Variants in POLR3B observed in about 807,000 individuals in gnomAD.
POLR3B encodes the protein DNA-directed RNA polymerase III subunit RPC2.
POLR3B carries 96 observed loss-of-function variants against 147.4 expected under a neutral mutation model. The observed-to-expected ratio is 0.65, with a 90% CI of 0.55 to 0.77. POLR3B has a LOEUF of 0.77. Among genes scored for constraint, POLR3B ranks in the 30% least tolerant of loss-of-function variants. POLR3B has a pLI of 0.00. For missense variants in POLR3B, 1,036 were observed against 1,413.5 expected (o/e 0.73, Z 4.28); for synonymous variants, 461 against 485.9 (o/e 0.95, Z 0.67).
In POLR3B at chr12:106,369,275, A is replaced by T. The variant is rs1319955334; in HGVS notation, c.228A>T (p.Lys76Asn). ...CATACCGCACTAATTTGCTTTTCAG[A>T]TATCTTAATATCTATGTTGGGCTTC... ...TSDADPMWYL[K>N]YLNIYVGLPD... The change falls in exon 5 of 28, where the codon AAA becomes AAT. Residue 76 changes from lysine to asparagine, a missense_variant and splice_region_variant. By Grantham distance (94) the Lys-to-Asn change is moderately conservative. Coordinates refer to ENST00000228347, the MANE Select transcript of POLR3B (RefSeq NM_018082.6). 1.2e-5 allele frequency: 19 copies of T among 1,561,662 alleles called. No homozygotes were observed. Among genetic ancestry groups the T allele is most frequent in the Non-Finnish European group, 1.7e-5 (19 of 1,132,224 alleles).
chr12:106,403,264 C>T (rs2136928609), intron 10 of POLR3B, among the ~76,000 whole-genome samples: 1 of 151,544 alleles, frequency 6.6e-6, no homozygotes, highest in Admixed American at 6.6e-5. Flanking sequence ...AATGAGATAC[C>T]ATCTCACACC....
intron 9 of POLR3B, among the ~76,000 whole-genome samples, chr12:106,387,806 A>C (rs1159681707): frequency 6.6e-6 from 1 of 152,166 alleles, no homozygotes; most frequent in African/African-American, 2.4e-5. Flanking sequence ...TAACTCATCT[A>C]TTAAGGTGAG....
intron 6 of POLR3B, among the ~76,000 whole-genome samples, chr12:106,373,869 A>C (rs1356603902): frequency 6.6e-6 from 1 of 152,114 alleles, no homozygotes; most frequent in East Asian, 1.9e-4. Flanking sequence ...TATTTGTTTT[A>C]TATACATACA....
At chr12:106,492,749 C>G (rs551482921) in intron 23 of POLR3B, among the ~76,000 whole-genome samples, 2 of 152,170 alleles carry the variant, frequency 1.3e-5, no homozygotes, top group Non-Finnish European at 2.9e-5. Context: ...CTGAGTGGAT[C>G]GGCAGTCAGA....
At chr12:106,366,972 G>A (rs2036544241) in intron 4 of POLR3B, among the ~76,000 whole-genome samples, 1 of 152,124 alleles carries the variant, frequency 6.6e-6, no homozygotes, top group Admixed American at 6.5e-5. Context: ...GCGTGGTGGT[G>A]CACATCTGTA....
chr12:106,444,080 C>G (rs531674226), intron 18 of POLR3B, among the ~76,000 whole-genome samples: 1 of 152,318 alleles, frequency 6.6e-6, no homozygotes, highest in South Asian at 2.1e-4. Context: ...CTCGGCCTCT[C>G]AAACTGCTGG....
At chr12:106,470,636 T>G (rs2038076631) in intron 23 of POLR3B, among the ~76,000 whole-genome samples, 1 of 152,192 alleles carries the variant, frequency 6.6e-6, no homozygotes, top group Non-Finnish European at 1.5e-5. Flanking sequence ...TGGATGAGGT[T>G]TTGGTCTGGA....
chr12:106,442,472 T>C (rs975719151), intron 18 of POLR3B, among the ~76,000 whole-genome samples: 2 of 152,188 alleles, frequency 1.3e-5, no homozygotes, highest in African/African-American at 4.8e-5. Context: ...TATTTTCCCT[T>C]CCTGCTTAAC....
intron 12 of POLR3B, among the ~76,000 whole-genome samples, chr12:106,424,558 C>T (rs2136951176): frequency 6.6e-6 from 1 of 152,258 alleles, no homozygotes; most frequent in Non-Finnish European, 1.5e-5. Context: ...CTTTCATTGT[C>T]ATCCCTTTTG....
chr12:106,361,289 G>A (rs984375151), intron 1 of POLR3B, among the ~76,000 whole-genome samples: 1 of 152,180 alleles, frequency 6.6e-6, no homozygotes, highest in African/African-American at 2.4e-5. Context: ...AAAGGAGGTC[G>A]ACTCAGTAGA....
chr12:106,409,673 GTTT>G (rs60188511), intron 11 of POLR3B, among the ~76,000 whole-genome samples: 1 of 140,078 alleles, frequency 7.1e-6, no homozygotes, highest in African/African-American at 2.6e-5. Context: ...ATGCTTGCTT[GTTT>G]TTTTTTTTTT....
intron 4 of POLR3B, among the ~76,000 whole-genome samples, chr12:106,367,893 T>C (rs1194590420): frequency 6.6e-6 from 1 of 152,190 alleles, no homozygotes; most frequent in Non-Finnish European, 1.5e-5. Flanking sequence ...ATAACAGTTA[T>C]TATTGTGGGC....
At chr12:106,358,823 T>C (rs375532289) in intron 1 of POLR3B, among the ~76,000 whole-genome samples, 4 of 152,232 alleles carry the variant, frequency 2.6e-5, no homozygotes, top group Admixed American at 2.6e-4. Context: ...GTCTTGATTA[T>C]GAAAAGTTTC....
Position 106,504,311 on chromosome 12 carries a change from C to A in POLR3B, c.3272+57C>A. 1 of 1,387,452 alleles carries A rather than the reference C, an allele frequency of 7.2e-7. No individual in the cohort carries two copies. The highest frequency in any genetic ancestry group is 1.2e-5 in the South Asian group (1 of 86,536). 85.9% of individuals were successfully genotyped at this position (1,387,452 alleles called of 1,614,324 possible). A position where few individuals can be genotyped will look rare whatever the true frequency, so the allele number is the denominator to read the frequency against. ...ACCCCTTGCCTCTTAAATCACAGCT[C>A]AAGAATTGACCCTGGATCCTATCCG... is the stretch of plus-strand genomic sequence containing the variant. On this transcript the variant is annotated intron_variant, in intron 27 of 27. Transcript: ENST00000228347. This position sits in a 1 kb window ranked among gnomAD's most constrained non-coding sequence, Gnocchi z 4.6.
At chr12:106,415,863 C>T (rs2037295716) in intron 12 of POLR3B, among the ~76,000 whole-genome samples, 1 of 152,048 alleles carries the variant, frequency 6.6e-6, no homozygotes, top group African/African-American at 2.4e-5. Flanking sequence ...CCCTCTTTTC[C>T]CTCTGACTCA....
At chr12:106,451,231 A>C (rs1261673319) in intron 19 of POLR3B, among the ~76,000 whole-genome samples, 1 of 152,122 alleles carries the variant, frequency 6.6e-6, no homozygotes, top group African/African-American at 2.4e-5. Context: ...CAGGCAATTT[A>C]TAGTGCAACC....
chr12:106,493,486 A>G (rs1189196435), intron 23 of POLR3B, among the ~76,000 whole-genome samples: 1 of 152,236 alleles, frequency 6.6e-6, no homozygotes, highest in Admixed American at 6.5e-5. Flanking sequence ...TTTAAAAATC[A>G]TCTGTCTAAT....
intron 22 of POLR3B, among the ~76,000 whole-genome samples, chr12:106,459,738 A>G (rs140592416): frequency 4.4e-4 from 67 of 152,336 alleles, no homozygotes; most frequent in African/African-American, 1.5e-3. Context: ...ATTTTTAAAC[A>G]GTAAAACACA....
intron 27 of POLR3B, among the ~76,000 whole-genome samples, chr12:106,506,779 GAA>G (rs2038694693): frequency 6.6e-6 from 1 of 152,088 alleles, no homozygotes; most frequent in Non-Finnish European, 1.5e-5. Context: ...GTTGCCAACA[GAA>G]AAAAATCCTA....
Sources: allele counts gnomAD v4.1 joint callset (sites outside exome capture counted in the v4.1 genomes callset), GRCh38; gene constraint gnomAD v4.1.1; non-coding constraint Gnocchi (gnomAD v3.1); transcripts MANE v1.5; gene names NCBI Gene and HGNC (gene_info 2026-07-23, HGNC 2026-07-21).